The following CCDC141 variants were observed in gnomAD, a reference collection of about 807,000 sequenced individuals.
CCDC141 encodes coiled-coil domain containing 141.
In CCDC141, 168 loss-of-function variants were observed where a neutral mutation model predicts 181.0. That is an observed-to-expected ratio of 0.93 (90% confidence interval 0.82 to 1.05). The LOEUF (loss-of-function observed/expected upper bound fraction) is 1.05. Ranked by LOEUF, CCDC141 falls within the 50% of genes least tolerant of loss-of-function variation. The pLI is 0.00. For missense variants in CCDC141, 1,902 were observed against 1,788.5 expected (o/e 1.06, Z -1.14); for synonymous variants, 666 against 642.3 (o/e 1.04, Z -0.56).
chr2:178,815,952 G>A, the CCDC141 span, among the ~76,000 whole-genome samples: 1 of 152,120 alleles, frequency 6.6e-6, no homozygotes, highest in African/African-American at 2.4e-5. Context: ...GTATATGTAA[G>A]TTTAAAAAAC....
At chr2:179,004,673 C>T (rs889516831) in intron 2 of CCDC141, among the ~76,000 whole-genome samples, 8 of 152,160 alleles carry the variant, frequency 5.3e-5, no homozygotes, top group African/African-American at 1.9e-4. Flanking sequence ...TGAAACTACA[C>T]CTTGTCCTCT....
intron 8 of CCDC141, among the ~76,000 whole-genome samples, chr2:178,897,837 T>G (rs1205554765): frequency 6.6e-6 from 1 of 152,128 alleles, no homozygotes; most frequent in Non-Finnish European, 1.5e-5. Flanking sequence ...TATAGAAAAC[T>G]TTACCCTCAC....
At chr2:178,965,420 G>T (rs1489068551) in intron 4 of CCDC141, among the ~76,000 whole-genome samples, 1 of 152,166 alleles carries the variant, frequency 6.6e-6, no homozygotes, top group Non-Finnish European at 1.5e-5. Flanking sequence ...TCCAACTGAG[G>T]TACCCGGTTC....
intron 2 of CCDC141, among the ~76,000 whole-genome samples, chr2:179,020,271 C>G (rs988395854): frequency 2.6e-5 from 4 of 152,058 alleles, no homozygotes; most frequent in African/African-American, 7.2e-5. Flanking sequence ...TTTTCCTACT[C>G]TTTGTCAGTT....
rs1414199161 is a variant in CCDC141, at chr2:178,885,067, G to A, written c.1553C>T (p.Ala518Val). The change falls in exon 11 of 24, where the codon GCT becomes GTT. Residue 518 changes from alanine to valine, a missense_variant. Transcript: ENST00000443758. ...ATTTTTCTCCATCATGGTTTTTGCA[G>A]CTGCTTCTAATTCATGTGATGTCTC... ...AKETSHELEA[A>V]AKTMMEKNEF... The A allele has an allele frequency of 1.3e-6, 2 of 1,549,832 alleles. No homozygotes were observed. Among genetic ancestry groups the A allele is most frequent in the Non-Finnish European group, 1.7e-6 (2 of 1,146,532 alleles).
chr2:178,983,099 A>G (rs1055794734), intron 2 of CCDC141, among the ~76,000 whole-genome samples: 9 of 152,230 alleles, frequency 5.9e-5, no homozygotes, highest in Non-Finnish European at 1.0e-4. Context: ...TGGTTCTCCC[A>G]GTACGCAGCT....
At chr2:179,020,298 C>G (rs1170545301) in intron 2 of CCDC141, among the ~76,000 whole-genome samples, 1 of 152,066 alleles carries the variant, frequency 6.6e-6, no homozygotes, top group African/African-American at 2.4e-5. Flanking sequence ...TCCCCACACT[C>G]CTATCCAGTG....
intron 5 of CCDC141, among the ~76,000 whole-genome samples, chr2:178,945,864 C>A (rs961183013): frequency 6.6e-6 from 1 of 151,648 alleles, no homozygotes; most frequent in African/African-American, 2.4e-5. Flanking sequence ...CACACACACA[C>A]ACACACACAC....
At chr2:178,978,021 T>C (rs1434639023) in intron 3 of CCDC141, among the ~76,000 whole-genome samples, 2 of 152,198 alleles carry the variant, frequency 1.3e-5, no homozygotes, top group African/African-American at 2.4e-5. Flanking sequence ...AAATGCTATA[T>C]TTATGAATCA....
At chr2:178,949,984 C>G (rs1689883690) in intron 5 of CCDC141, among the ~76,000 whole-genome samples, 1 of 152,182 alleles carries the variant, frequency 6.6e-6, no homozygotes, top group Non-Finnish European at 1.5e-5. Flanking sequence ...AATCAGATCT[C>G]TTTTATCTTT....
At position 178,978,465 on chromosome 2, in the gene CCDC141, A is replaced by T. The variant is rs1044194024; in HGVS notation, c.417+19T>A. ...TTTGCTCTGATGTGGGGAAGGGAGA[A>T]GTTTTTTAAAGTACAAACCTCTAAG... On this transcript the variant is annotated intron_variant, in intron 3 of 23. Coordinates refer to ENST00000443758, the MANE Select transcript of CCDC141 (RefSeq NM_173648.4). 8 of 1,391,136 alleles carry T rather than the reference A, an allele frequency of 5.8e-6. No individual in the cohort carries two copies. The highest frequency in any genetic ancestry group is 5.7e-6 in the Non-Finnish European group (6 of 1,061,058). 86.2% of individuals were successfully genotyped at this position (1,391,136 alleles called of 1,614,324 possible). A position where few individuals can be genotyped will look rare whatever the true frequency, so the allele number is the denominator to read the frequency against.
chr2:178,904,701 T>C (rs1385930135), intron 8 of CCDC141, among the ~76,000 whole-genome samples: 2 of 152,196 alleles, frequency 1.3e-5, no homozygotes, highest in Non-Finnish European at 2.9e-5. Flanking sequence ...TTCCTATACT[T>C]TCCTACTGCA....
In CCDC141 at chr2:178,869,254, C is replaced by T; in HGVS notation, c.2257G>A (p.Gly753Ser). ...TTTTCTTTTACAGGGGCTCCTCTGC[C>T]AGTTAACTCCTCTGATTCTTTCATA... Reference protein sequence around the residue: ...YIMKESEELTGRGAPVKEKSQ... With the variant: ...YIMKESEELTSRGAPVKEKSQ... The change falls in exon 15 of 24, where the codon GGC becomes AGC. Residue 753 changes from glycine (G) to serine (S), a missense_variant. By Grantham distance (56) the Gly-to-Ser change is moderately conservative. Coordinates refer to ENST00000443758, the MANE Select transcript of CCDC141 (RefSeq NM_173648.4). 6.2e-7 allele frequency: 1 copy of T among 1,613,436 alleles called. No individual in the cohort carries two copies. Among genetic ancestry groups the T allele is most frequent in the Non-Finnish European group, 8.5e-7 (1 of 1,179,706 alleles).
chr2:178,941,710 T>C (rs1397244089), intron 6 of CCDC141, among the ~76,000 whole-genome samples: 1 of 151,566 alleles, frequency 6.6e-6, no homozygotes, highest in African/African-American at 2.4e-5. Context: ...CCCAGCACTT[T>C]AGAAGGCTGA....
chr2:178,836,693 T>C lies in CCDC141; in HGVS notation c.4325+201A>G. On this transcript the variant is annotated intron_variant, in intron 23 of 23. Coordinates refer to ENST00000443758, the MANE Select transcript of CCDC141 (RefSeq NM_173648.4). The stretch of plus-strand genomic sequence containing the variant: ...TTAAATTATTAGTACTTTATATGGT[T>C]ACCTTTTATTTTTCTTAAAGGTATT... The C allele has an allele frequency of 1.1e-5, 6 of 550,554 alleles. No homozygotes were observed. In the South Asian group the frequency reaches 1.6e-4, roughly 15 times the overall value. The allele number at this position is 550,554 out of a possible 1,614,324, so 34.1% of individuals were successfully genotyped here.
intron 2 of CCDC141, among the ~76,000 whole-genome samples, chr2:179,000,927 G>GT (rs373835156): frequency 2.6e-5 from 4 of 152,268 alleles, no homozygotes; most frequent in Admixed American, 2.0e-4. Context: ...CCCTTGAACT[G>GT]TTTTTTATTC....
chr2:179,046,610 A>C (rs2043506567), intron 2 of CCDC141, among the ~76,000 whole-genome samples: 1 of 152,234 alleles, frequency 6.6e-6, no homozygotes, highest in African/African-American at 2.4e-5. Context: ...GACATTAAGT[A>C]GTGAATAAAA....
Position 178,918,876 on chromosome 2 carries a change from C to T in CCDC141, c.929G>A (p.Ser310Asn). The T allele has an allele frequency of 2.6e-6, 4 of 1,550,662 alleles. No individual in the cohort carries two copies. The highest frequency in any genetic ancestry group is 3.5e-6 in the Non-Finnish European group (4 of 1,146,980). Residue 310 changes from serine to asparagine, a missense_variant, in exon 7 of 24, where the codon AGT becomes AAT. By Grantham distance (46) the Ser-to-Asn change is conservative. Transcript: ENST00000443758. ...EWNSAVEKLK[S>N]EALRILLSKD... ...TGACAGCAGAATTCTCAGTGCCTCACTCTTCAGCTTCTCAACAGCAGAATT... is the reference window on the plus strand; with the variant it reads ...TGACAGCAGAATTCTCAGTGCCTCATTCTTCAGCTTCTCAACAGCAGAATT...
chr2:178,889,592 T>C (rs868805519), intron 8 of CCDC141, among the ~76,000 whole-genome samples: 1 of 152,178 alleles, frequency 6.6e-6, no homozygotes, highest in African/African-American at 2.4e-5. Context: ...AATTAATTTA[T>C]GACTCTGTAA....
Sources: gnomAD v4.1 joint callset for allele counts (sites outside exome capture counted in the v4.1 genomes callset) on GRCh38, gnomAD v4.1.1 for gene constraint, MANE v1.5 for transcripts, NCBI Gene and HGNC (gene_info 2026-07-23, HGNC 2026-07-21) for gene names.